KANSL1L: variants seen among roughly 807,000 people sequenced by gnomAD.
KANSL1L encodes KAT8 regulatory NSL complex subunit 1-like protein.
KANSL1L carries 25 observed loss-of-function variants against 108.6 expected under a neutral mutation model. The observed-to-expected ratio is 0.23, with a 90% CI of 0.17 to 0.32. The LOEUF is 0.32. Among genes scored for constraint, KANSL1L ranks in the 10% least tolerant of loss-of-function variants. The probability of loss-of-function intolerance (pLI) is 1.00; values close to 1 mark genes in which losing one functional copy is unlikely to be tolerated. For missense variants in KANSL1L, 1,137 were observed against 1,125.7 expected (o/e 1.01, Z -0.14); for synonymous variants, 405 against 395.1 (o/e 1.03, Z -0.30).
chr2:210,092,737 CA>C (rs1015436877), intron 5 of KANSL1L, among the ~76,000 whole-genome samples: 1 of 152,104 alleles, frequency 6.6e-6, no homozygotes, highest in South Asian at 2.1e-4. Context: ...CTGCCCTTGG[CA>C]AATTATTCAT....
intron 5 of KANSL1L, among the ~76,000 whole-genome samples, chr2:210,077,407 A>C (rs1023151508): frequency 6.6e-6 from 1 of 152,194 alleles, no homozygotes; most frequent in African/African-American, 2.4e-5. Context: ...CCAATCTCAC[A>C]GCTAGATTTT....
intron 2 of KANSL1L, 114 bp from the exon 3 acceptor site, chr2:210,129,286 T>A (rs1032267554): frequency 2.5e-6 from 2 of 794,044 alleles, no homozygotes; most frequent in Admixed American, 5.8e-5. Context: ...TTCTACAACA[T>A]GTAATTACAG....
intron 4 of KANSL1L, among the ~76,000 whole-genome samples, chr2:210,102,658 A>G (rs867482023): frequency 6.6e-6 from 1 of 152,230 alleles, no homozygotes; most frequent in Admixed American, 6.5e-5. Flanking sequence ...TGGGCGAAGG[A>G]TATGAATAGA....
chr2:210,161,078 T>C (rs1179941072), intron 1 of KANSL1L, among the ~76,000 whole-genome samples: 17 of 144,944 alleles, frequency 1.2e-4, no homozygotes, highest in South Asian at 1.1e-3. Flanking sequence ...AACCTCCGCC[T>C]CCCAGGTTGA....
In KANSL1L at chr2:210,075,564, A is replaced by G. The variant is rs769004466; in HGVS notation, c.1743T>C (p.Tyr581=). ...AAGGCAGCCTTACCTGTGGAGTCCA[A>G]TAAAAAGTAGGGCTCAATCTGTACA... is the stretch of plus-strand genomic sequence containing the variant. ...RKLYRLSPTF[Y]WTPQTLPSKE... is the part of the protein sequence containing the mutation. Residue 581 remains tyrosine (Y), a synonymous_variant, in exon 6 of 15, where the codon TAT becomes TAC. Coordinates refer to ENST00000281772, the MANE Select transcript of KANSL1L (RefSeq NM_152519.4). 1.5e-5 allele frequency: 24 copies of G among 1,613,376 alleles called. 1 individual carries two copies. Among genetic ancestry groups the G allele is most frequent in the African/African-American group, 4.0e-5 (3 of 74,924 alleles).
At chr2:210,031,623 G>T in intron 8 of KANSL1L, 77 bp from the exon 9 acceptor site, 1 of 894,548 alleles carries the variant, frequency 1.1e-6, no homozygotes. Flanking sequence ...GTTTTTATTT[G>T]TAACTGCAGA....
intron 8 of KANSL1L, among the ~76,000 whole-genome samples, chr2:210,039,887 TAG>T (rs1196985271): frequency 1.3e-5 from 2 of 151,858 alleles, no homozygotes; most frequent in Non-Finnish European, 3.0e-5. Flanking sequence ...TAATCAACTA[TAG>T]AGTTTACTTC....
At chr2:210,170,920 T>G (rs992818313) in intron 1 of KANSL1L, among the ~76,000 whole-genome samples, 1 of 147,386 alleles carries the variant, frequency 6.8e-6, no homozygotes, top group Non-Finnish European at 1.5e-5. Flanking sequence ...CCAAGGCTGT[T>G]AGGTTTAGCC....
At chr2:210,058,052 G>T (rs2094373836) in intron 6 of KANSL1L, among the ~76,000 whole-genome samples, 1 of 152,182 alleles carries the variant, frequency 6.6e-6, no homozygotes, top group Non-Finnish European at 1.5e-5. Flanking sequence ...AACTCTGACT[G>T]CCAGTGAGCC....
chr2:210,105,557 T>C (rs2094839419), intron 3 of KANSL1L, among the ~76,000 whole-genome samples: 1 of 151,606 alleles, frequency 6.6e-6, no homozygotes, highest in South Asian at 2.1e-4. Context: ...ACCTACATCA[T>C]GCATAAGTCT....
intron 2 of KANSL1L, chr2:210,152,072 C>T (rs938468132): frequency 6.6e-6 from 1 of 152,038 alleles, no homozygotes; most frequent in African/African-American, 2.4e-5. Context: ...TATTTCATCA[C>T]CCAGGTTTTA....
intron 5 of KANSL1L, among the ~76,000 whole-genome samples, chr2:210,086,159 C>T (rs2094635538): frequency 6.6e-6 from 1 of 151,772 alleles, no homozygotes; most frequent in South Asian, 2.1e-4. Flanking sequence ...AGATAATTAT[C>T]ATTAGTAGAA....
chr2:210,111,772 G>A (rs1327049737), intron 3 of KANSL1L, among the ~76,000 whole-genome samples: 1 of 151,242 alleles, frequency 6.6e-6, no homozygotes, highest in Non-Finnish European at 1.5e-5. Flanking sequence ...TAGGGTACAT[G>A]TGCACAACGT....
chr2:210,121,535 A>G (rs1034450715), intron 3 of KANSL1L, among the ~76,000 whole-genome samples: 1 of 152,180 alleles, frequency 6.6e-6, no homozygotes, highest in Non-Finnish European at 1.5e-5. Context: ...CAGGAAAAAC[A>G]ACTAATGGGT....
chr2:210,024,273 G>A (rs2093903444), intron 13 of KANSL1L, 72 bp from the exon 14 acceptor site: 1 of 1,192,382 alleles, frequency 8.4e-7, no homozygotes, highest in Non-Finnish European at 1.1e-6. Context: ...AACAACCCAA[G>A]GTATCACTGA....
Position 210,024,076 on chromosome 2 carries a change from C to T in KANSL1L, c.2690G>A (p.Cys897Tyr), listed in dbSNP as rs566040158. The change falls in exon 14 of 15, where the codon TGT becomes TAT. Residue 897 changes from cysteine to tyrosine, a missense_variant. Cys to Tyr is a radical substitution (Grantham distance 194). Coordinates refer to ENST00000281772, the MANE Select transcript of KANSL1L (RefSeq NM_152519.4). The part of the protein sequence containing the change: ...PGLPSENQDL[C>Y]AYGLPSLNQS... ...ATTTAAAGAAGGTAAGCCATATGCA[C>T]ACAGATCCTGGTTCTCTGAAGGAAG... The T allele has an allele frequency of 2.3e-5, 37 of 1,605,816 alleles. No individual in the cohort carries two copies. The South Asian group carries it at 3.9e-4, about 17-fold the overall frequency.
intron 8 of KANSL1L, among the ~76,000 whole-genome samples, chr2:210,039,180 A>G (rs558422119): frequency 2.0e-5 from 3 of 152,060 alleles, no homozygotes; most frequent in East Asian, 1.9e-4. Context: ...CTTCGTTCCA[A>G]TAATACCTCT....
intron 1 of KANSL1L, among the ~76,000 whole-genome samples, chr2:210,166,712 A>G (rs1053237743): frequency 6.6e-6 from 1 of 152,144 alleles, no homozygotes; most frequent in Non-Finnish European, 1.5e-5. Context: ...ACAAACTAGG[A>G]AAACATTATC....
intron 6 of KANSL1L, among the ~76,000 whole-genome samples, chr2:210,049,855 G>T (rs933545918): frequency 6.6e-6 from 1 of 152,184 alleles, no homozygotes; most frequent in Non-Finnish European, 1.5e-5. Flanking sequence ...ACAGCTATAG[G>T]ACTGATGTCA....
Sources: allele counts gnomAD v4.1 joint callset (sites outside exome capture counted in the v4.1 genomes callset), GRCh38; gene constraint gnomAD v4.1.1; transcripts MANE v1.5; gene names NCBI Gene and HGNC (gene_info 2026-07-23, HGNC 2026-07-21).